The following ALG1 variants were observed in gnomAD, a reference collection of about 807,000 sequenced individuals.
ALG1 encodes chitobiosyldiphosphodolichol beta-mannosyltransferase.
In ALG1, 58 loss-of-function variants were observed where a neutral mutation model predicts 55.1. The ratio of observed to expected loss-of-function variants is 1.05; its 90% confidence interval spans 0.85 to 1.31. The LOEUF (loss-of-function observed/expected upper bound fraction) is 1.31, where lower values mean the gene tolerates loss of function less well. Ranked by LOEUF, ALG1 falls within the 50% of genes most tolerant of loss-of-function variation. The probability of loss-of-function intolerance (pLI) is 0.00; values close to 1 mark genes in which losing one functional copy is unlikely to be tolerated. For synonymous variants in ALG1, 309 were observed against 247.0 expected, an observed-to-expected ratio of 1.25 and a Z score of -2.35; for missense variants, 761 against 598.6, an observed-to-expected ratio of 1.27 and a Z score of -2.83.
At chr16:5,072,264 G>A (rs1299766815) in intron 1 of ALG1, 70 of 1,466,630 alleles carry the variant, frequency 4.8e-5, no homozygotes, top group Non-Finnish European at 6.0e-5. Context: ...TCAGAAGTGT[G>A]TTAAGTGAAT....
chr16:5,085,041 G>A lies in ALG1; in HGVS notation c.*160G>A, dbSNP rs1957106182. On this transcript the variant is annotated 3_prime_UTR_variant, in exon 13 of 13. Transcript: ENST00000262374. The stretch of plus-strand genomic sequence containing the variant: ...GGTAAAAGAATTGGTTCTGTGACCC[G>A]GGAAGCTTTGGTTGGCCTTGATTTC... 19 of 1,365,238 alleles carry A rather than the reference G, an allele frequency of 1.4e-5. No individual in the cohort carries two copies. The highest frequency in any genetic ancestry group is 2.9e-5 in the African/African-American group (2 of 69,514). The allele number at this position is 1,365,238 out of a possible 1,614,324, so 84.6% of individuals were successfully genotyped here.
At chr16:5,083,811 G>T in intron 12 of ALG1, 54 bp downstream of exon 12, 3 of 1,596,874 alleles carry the variant, frequency 1.9e-6, no homozygotes, top group Non-Finnish European at 2.5e-6. Flanking sequence ...GACTGGCACC[G>T]AGCCAGGCTC....
rs1328517579 is a variant in ALG1, at chr16:5,086,106, C to T, written c.*1225C>T. ...ATCCCAACACTTTGGGAGGCCAAGG[C>T]GGGCGGATCACTTGAGGTCAGGAGT... is the stretch of plus-strand genomic sequence containing the variant. On this transcript the variant is annotated 3_prime_UTR_variant, in exon 13 of 13. Transcript: ENST00000262374. Among the ~76,000 whole-genome samples the T allele has an allele frequency of 2.6e-5, 4 of 152,140 alleles. No individual in the cohort carries two copies. Among genetic ancestry groups the T allele is most frequent in the Non-Finnish European group, 4.4e-5 (3 of 68,032 alleles).
chr16:5,085,812 A>T lies in ALG1; in HGVS notation c.*931A>T, dbSNP rs1228170768. ...GGGTATTGTGTGGGGCTGCTAGGAC[A>T]GGCCTGGCGGGGTAGGGGGGTGTCC... On this transcript the variant is annotated 3_prime_UTR_variant, in exon 13 of 13. Coordinates refer to ENST00000262374, the MANE Select transcript of ALG1 (RefSeq NM_019109.5). 8.8e-7 allele frequency: 1 copy of T among 1,135,774 alleles called. No individual in the cohort carries two copies. The highest frequency in any genetic ancestry group is 1.7e-5 in the Admixed American group (1 of 59,110). The allele number at this position is 1,135,774 out of a possible 1,614,324, so 70.4% of individuals were successfully genotyped here.
At chr16:5,080,452 T>C (rs1956997392) in intron 9 of ALG1, among the ~76,000 whole-genome samples, 1 of 152,162 alleles carries the variant, frequency 6.6e-6, no homozygotes, top group Non-Finnish European at 1.5e-5. Context: ...CCTTTCAAGG[T>C]GACTCAGTGA....
chr16:5,075,593 A>G (rs745867030), intron 4 of ALG1, 57 bp downstream of exon 4: 2 of 1,605,386 alleles, frequency 1.2e-6, no homozygotes, highest in East Asian at 4.5e-5. Context: ...AGGATGAGTG[A>G]GAAGAAGGGC....
At position 5,087,271 on chromosome 16, in the gene ALG1, G is replaced by C. The variant is rs1248508991; in HGVS notation, c.*2390G>C. ...CTGTTTGAAGAAAGTTTACAGATTT[G>C]CGTTGGGCCGCAAGTTGGACAAGAC... is the stretch of plus-strand genomic sequence containing the variant. On this transcript the variant is annotated 3_prime_UTR_variant, in exon 13 of 13. Coordinates refer to ENST00000262374, the MANE Select transcript of ALG1 (RefSeq NM_019109.5). The C allele has an allele frequency of 6.6e-6, 1 of 152,218 alleles. No homozygotes were observed. The highest frequency in any genetic ancestry group is 6.5e-5 in the Admixed American group (1 of 15,288). The allele number at this position is 152,218 out of a possible 1,614,324, so 9.4% of individuals were successfully genotyped here. A position where few individuals can be genotyped will look rare whatever the true frequency, so the allele number is the denominator to read the frequency against.
Position 5,071,862 on chromosome 16 carries a change from T to C in ALG1, c.13T>C (p.Cys5Arg), listed in dbSNP as rs752179113. 7.5e-6 allele frequency: 12 copies of C among 1,604,678 alleles called. No individual in the cohort carries two copies. The highest frequency in any genetic ancestry group is 6.7e-5 in the Admixed American group (4 of 59,660). The part of the protein sequence containing the change: MAAS[C>R]LVLLALCLLL... ...CGGGCCAGCCAAGATGGCGGCCTCA[T>C]GCTTGGTCCTGCTGGCGCTGTGTCT... is the stretch of plus-strand genomic sequence containing the variant. The change falls in exon 1 of 13, where the codon TGC becomes CGC. Residue 5 changes from cysteine (C) to arginine (R), a missense_variant. By Grantham distance (180) the Cys-to-Arg change is radical (BLOSUM62 -3). Transcript: ENST00000262374.
At chr16:5,079,546 AGGTAT>A (rs1956980227) in intron 8 of ALG1, among the ~76,000 whole-genome samples, 197 bp from the exon 9 acceptor site, 1 of 152,110 alleles carries the variant, frequency 6.6e-6, no homozygotes, top group African/African-American at 2.4e-5. Flanking sequence ...AAAATTAGCT[AGGTAT>A]GGTGGTGGGC....
intron 9 of ALG1, among the ~76,000 whole-genome samples, chr16:5,080,106 C>T (rs1481241696): frequency 1.4e-5 from 2 of 141,098 alleles, no homozygotes; most frequent in Admixed American, 7.7e-5. Flanking sequence ...GAGTCTCTGT[C>T]GCCCAGGCTG....
In ALG1 at chr16:5,076,972, T is replaced by G. The variant is rs568422865; in HGVS notation, c.540-473T>G. Among the ~76,000 whole-genome samples, 83 of 152,036 alleles carry G rather than the reference T, an allele frequency of 5.5e-4. 1 individual carries two copies. In the South Asian group the frequency reaches 0.015, roughly 27 times the overall value. On this transcript the variant is annotated intron_variant, in intron 4 of 12. Coordinates refer to ENST00000262374, the MANE Select transcript of ALG1 (RefSeq NM_019109.5). ...ACCACGCCTGGCTAATTTTTGTGTTTTTAGTAGAGACAGGGTTTCACCACG... is the reference window on the plus strand; with the variant it reads ...ACCACGCCTGGCTAATTTTTGTGTTGTTAGTAGAGACAGGGTTTCACCACG...
intron 11 of ALG1, among the ~76,000 whole-genome samples, chr16:5,082,967 C>T (rs544493609): frequency 6.6e-6 from 1 of 152,302 alleles, no homozygotes; most frequent in East Asian, 1.9e-4. Context: ...CAAAAAGCAC[C>T]TTAAATACCA....
chr16:5,084,986 G>A lies in ALG1; in HGVS notation c.*105G>A, dbSNP rs1957104200. On this transcript the variant is annotated 3_prime_UTR_variant, in exon 13 of 13. Transcript: ENST00000262374. Reference sequence around the variant, plus strand: ...TTCGAGCAGCACCTCCCAGTGGCCAGAAGCTGAAATGACAGCAGTGGTACT... The same window carrying A: ...TTCGAGCAGCACCTCCCAGTGGCCAAAAGCTGAAATGACAGCAGTGGTACT... 2 of 1,579,322 alleles carry A rather than the reference G, an allele frequency of 1.3e-6. No homozygotes were observed. Among genetic ancestry groups the A allele is most frequent in the Admixed American group, 1.7e-5 (1 of 59,774 alleles).
intron 3 of ALG1, among the ~76,000 whole-genome samples, chr16:5,073,858 G>A (rs1956863444): frequency 6.6e-6 from 1 of 152,034 alleles, no homozygotes; most frequent in Non-Finnish European, 1.5e-5. Context: ...GGGATTACAG[G>A]TGCCCGCCAC....
rs1364828647 is a variant in ALG1 at position 5,083,624 on chromosome 16, C to A, written c.1188-58C>A. 9 of 1,599,178 alleles carry A rather than the reference C, an allele frequency of 5.6e-6. No homozygotes were observed. The East Asian group carries it at 1.8e-4, about 32-fold the overall frequency. ...TGTGTGGGGGAGCCCAGGTGGGCAC[C>A]CCAGGGGTCTGGTGTCTTCTACAGG... On this transcript the variant is annotated intron_variant, in intron 11 of 12. Coordinates refer to ENST00000262374, the MANE Select transcript of ALG1 (RefSeq NM_019109.5).
rs1190398962 is a variant in ALG1 at position 5,085,628 on chromosome 16, A to C, written c.*747A>C. ...CACAATCCCGTTGGAGTCGTGTGTG[A>C]GTCCTACAGGGTGAGATTCAGCATT... On this transcript the variant is annotated 3_prime_UTR_variant, in exon 13 of 13. Coordinates refer to ENST00000262374, the MANE Select transcript of ALG1 (RefSeq NM_019109.5). 1 of 1,590,854 alleles carries C rather than the reference A, an allele frequency of 6.3e-7. No individual in the cohort carries two copies. Among genetic ancestry groups the C allele is most frequent in the Non-Finnish European group, 8.6e-7 (1 of 1,160,614 alleles).
intron 11 of ALG1, 128 bp from the exon 12 acceptor site, chr16:5,083,554 A>T: frequency 6.5e-7 from 1 of 1,547,468 alleles, no homozygotes; most frequent in Non-Finnish European, 8.7e-7. Context: ...AGCTCCCGGA[A>T]ACCACACCCC....
chr16:5,073,183 A>T lies in ALG1; in HGVS notation c.317A>T (p.Lys106Ile), dbSNP rs749171775. ...VGPRVFQYGV[K>I]VVLQAMYLLW... Reference sequence around the variant, plus strand: ...CCCCGAGTTTTCCAGTACGGAGTCAAAGTTGTACTTCAGGCTATGTACTTG... The same window carrying T: ...CCCCGAGTTTTCCAGTACGGAGTCATAGTTGTACTTCAGGCTATGTACTTG... The change falls in exon 3 of 13, where the codon AAA (lysine) becomes ATA (isoleucine). Residue 106 changes from lysine to isoleucine, a missense_variant. Coordinates refer to ENST00000262374, the MANE Select transcript of ALG1 (RefSeq NM_019109.5). 10 of 1,614,010 alleles carry T rather than the reference A, an allele frequency of 6.2e-6. No individual in the cohort carries two copies.
intron 1 of ALG1, among the ~76,000 whole-genome samples, 163 bp from the exon 2 acceptor site, chr16:5,072,788 C>T (rs1457092994): frequency 6.6e-6 from 1 of 152,200 alleles, no homozygotes; most frequent in African/African-American, 2.4e-5. Flanking sequence ...GCAATCTGAA[C>T]AAGAATTGGC....
Sources: allele counts gnomAD v4.1 joint callset (sites outside exome capture counted in the v4.1 genomes callset), GRCh38; gene constraint gnomAD v4.1.1; transcripts MANE v1.5; gene names NCBI Gene and HGNC (gene_info 2026-07-23, HGNC 2026-07-21).